NKAIN2: variants seen among roughly 807,000 people sequenced by gnomAD.
The protein encoded by NKAIN2 is sodium/potassium transporting ATPase interacting 2.
NKAIN2 carries 14 observed loss-of-function variants against 32.6 expected under a neutral mutation model. The ratio of observed to expected loss-of-function variants is 0.43; its 90% CI spans 0.28 to 0.67. The LOEUF is 0.67. Ranked by LOEUF, NKAIN2 falls within the 30% of genes least tolerant of loss-of-function variation. NKAIN2 has a pLI of 0.17. For missense variants in NKAIN2, 198 were observed against 258.3 expected (o/e 0.77, Z 1.60); for synonymous variants, 80 against 87.2 (o/e 0.92, Z 0.46).
intron 3 of NKAIN2, among the ~76,000 whole-genome samples, chr6:124,355,784 T>G (rs6927349): frequency 0.85 from 129,813 of 152,178 alleles, 55,624 homozygotes; most frequent in African/African-American, 0.93. Flanking sequence ...TTACTAGAGG[T>G]ATATAATATG....
At chr6:124,254,194 C>T (rs1234500873) in intron 1 of NKAIN2, among the ~76,000 whole-genome samples, 3 of 152,048 alleles carry the variant, frequency 2.0e-5, no homozygotes, top group Non-Finnish European at 4.4e-5. Context: ...TCAGGTGATC[C>T]GCCTGCCTCG....
chr6:124,205,232 A>G (rs1156455426), intron 1 of NKAIN2, among the ~76,000 whole-genome samples: 8 of 151,872 alleles, frequency 5.3e-5, no homozygotes, highest in Non-Finnish European at 1.2e-4. Flanking sequence ...TCCGTGAGGA[A>G]GGGCGCAGCA....
chr6:124,091,387 C>A (rs761613129), intron 1 of NKAIN2, among the ~76,000 whole-genome samples: 10 of 151,688 alleles, frequency 6.6e-5, no homozygotes, highest in Non-Finnish European at 1.2e-4. Flanking sequence ...ATGTTTATAT[C>A]AAAAATATGA....
At chr6:124,406,520 A>G (rs1223716184) in intron 3 of NKAIN2, among the ~76,000 whole-genome samples, 1 of 152,138 alleles carries the variant, frequency 6.6e-6, no homozygotes, top group Non-Finnish European at 1.5e-5. Flanking sequence ...CCATACAAAG[A>G]CTTGTATATA....
At chr6:124,200,372 A>C (rs1790537006) in intron 1 of NKAIN2, among the ~76,000 whole-genome samples, 1 of 152,150 alleles carries the variant, frequency 6.6e-6, no homozygotes. Context: ...AGTAAAGCGC[A>C]GGAAATGTAC....
In NKAIN2 at chr6:124,821,251, T is replaced by A. The variant is rs554762516; in HGVS notation, c.618-1969T>A. 7.3e-5 allele frequency among the ~76,000 whole-genome samples: 11 copies of A among 150,144 alleles called. 1 individual carries two copies. The highest frequency in any genetic ancestry group is 2.7e-4 in the African/African-American group (11 of 40,730). On this transcript the variant is annotated intron_variant, in intron 6 of 6. Transcript: ENST00000368417. Reference sequence around the variant, plus strand: ...TGGAGGTTGCAGTGAGCAAAGATCGTGCCACTGCACTCCAGCCTGGTTAAC... The same window carrying A: ...TGGAGGTTGCAGTGAGCAAAGATCGAGCCACTGCACTCCAGCCTGGTTAAC...
chr6:124,371,593 C>T (rs61050410), intron 3 of NKAIN2, among the ~76,000 whole-genome samples: 1,689 of 149,338 alleles, frequency 0.011, 32 homozygotes, highest in African/African-American at 0.04. Context: ...ACTCAGGAGG[C>T]TGAGGCAGGA....
intron 1 of NKAIN2, among the ~76,000 whole-genome samples, chr6:124,209,804 T>C (rs1791081441): frequency 6.6e-6 from 1 of 151,892 alleles, no homozygotes; most frequent in Non-Finnish European, 1.5e-5. Flanking sequence ...AATCAGATTA[T>C]TTTTACCTAT....
intron 4 of NKAIN2, among the ~76,000 whole-genome samples, chr6:124,709,504 C>T (rs1240719894): frequency 6.6e-6 from 1 of 151,630 alleles, no homozygotes; most frequent in Non-Finnish European, 1.5e-5. Context: ...TTGATTATTG[C>T]CACAATTTCA....
At chr6:124,427,709 A>G (rs1583235619) in intron 3 of NKAIN2, among the ~76,000 whole-genome samples, 1 of 152,140 alleles carries the variant, frequency 6.6e-6, no homozygotes, top group African/African-American at 2.4e-5. Flanking sequence ...AATACGATCT[A>G]AGAATTAGTT....
chr6:124,507,229 T>C (rs1469238911), intron 3 of NKAIN2, among the ~76,000 whole-genome samples: 4 of 152,308 alleles, frequency 2.6e-5, no homozygotes, highest in African/African-American at 9.6e-5. Flanking sequence ...GTGGGGCATA[T>C]TATTCTTTGA....
chr6:124,562,525 A>G (rs889034527), intron 3 of NKAIN2, among the ~76,000 whole-genome samples: 1 of 152,184 alleles, frequency 6.6e-6, no homozygotes, highest in African/African-American at 2.4e-5. Flanking sequence ...GAAAATTATT[A>G]AGGTTCTCAA....
At chr6:124,165,337 G>A (rs1419777281) in intron 1 of NKAIN2, among the ~76,000 whole-genome samples, 1 of 151,922 alleles carries the variant, frequency 6.6e-6, no homozygotes, top group Non-Finnish European at 1.5e-5. Context: ...CTAATAGGCA[G>A]GAATGGTCAG....
At chr6:124,762,426 G>A (rs1053578649) in intron 4 of NKAIN2, among the ~76,000 whole-genome samples, 1 of 152,102 alleles carries the variant, frequency 6.6e-6, no homozygotes, top group Non-Finnish European at 1.5e-5. Flanking sequence ...ACTGGGCTGA[G>A]GGCTTCCACA....
intron 3 of NKAIN2, among the ~76,000 whole-genome samples, chr6:124,432,039 C>T (rs958115050): frequency 2.6e-5 from 4 of 152,072 alleles, no homozygotes; most frequent in African/African-American, 7.2e-5. Flanking sequence ...TGTTAAACTC[C>T]CTTCTTAATT....
intron 1 of NKAIN2, among the ~76,000 whole-genome samples, chr6:124,074,960 T>A (rs1330909625): frequency 6.6e-6 from 1 of 152,220 alleles, no homozygotes; most frequent in East Asian, 1.9e-4. Context: ...CCTAGCATTA[T>A]GCTTGACATA....
intron 4 of NKAIN2, among the ~76,000 whole-genome samples, chr6:124,678,613 C>T: frequency 6.6e-6 from 1 of 151,710 alleles, no homozygotes; most frequent in East Asian, 1.9e-4. Flanking sequence ...TTTTGTTCAC[C>T]CATTGTTTTC....
At chr6:124,305,370 A>G (rs1796466558) in intron 2 of NKAIN2, among the ~76,000 whole-genome samples, 1 of 152,114 alleles carries the variant, frequency 6.6e-6, no homozygotes, top group African/African-American at 2.4e-5. Flanking sequence ...AAAGAAGATA[A>G]ATTCAAATAA....
intron 1 of NKAIN2, among the ~76,000 whole-genome samples, chr6:123,881,924 TTA>T (rs1773476430): frequency 6.6e-6 from 1 of 152,150 alleles, no homozygotes; most frequent in African/African-American, 2.4e-5. Context: ...TTCAATATTA[TTA>T]TTTTTAAATT....
Sources: allele counts gnomAD v4.1 joint callset (sites outside exome capture counted in the v4.1 genomes callset), GRCh38; gene constraint gnomAD v4.1.1; transcripts MANE v1.5; gene names NCBI Gene and HGNC (gene_info 2026-07-23, HGNC 2026-07-21).